Variants in TRPM3 observed in about 807,000 individuals in gnomAD.
TRPM3 encodes the protein long transient receptor potential channel 3.
A neutral mutation model predicts 181.2 loss-of-function variants in TRPM3; 77 were observed. The ratio of observed to expected loss-of-function variants is 0.42; its 90% CI spans 0.35 to 0.51. The LOEUF (loss-of-function observed/expected upper bound fraction) is 0.51. TRPM3 is among the 20% of genes least tolerant of loss of function. The pLI is 0.01. For missense variants in TRPM3, 1,759 were observed against 2,196.7 expected, an observed-to-expected ratio of 0.80 and a Z score of 3.98; for synonymous variants, 745 against 796.4, an observed-to-expected ratio of 0.94 and a Z score of 1.09.
intron 1 of TRPM3, among the ~76,000 whole-genome samples, chr9:71,048,467 A>T (rs1369310250): frequency 6.6e-6 from 1 of 152,192 alleles, no homozygotes; most frequent in Non-Finnish European, 1.5e-5. Flanking sequence ...GACATGCATG[A>T]ATAGTCCAAT....
Position 71,148,630 on chromosome 9 carries a change from T to C in TRPM3, c.184-284119A>G, listed in dbSNP as rs187361379. On this transcript the variant is annotated intron_variant, in intron 1 of 24. Transcript: ENST00000357533. Reference sequence around the variant, plus strand: ...AAGAAAACATGAACCAAGAATTTTATACCCAGCCAAGTGATCACTAAAGTA... The same window carrying C: ...AAGAAAACATGAACCAAGAATTTTACACCCAGCCAAGTGATCACTAAAGTA... Among the ~76,000 whole-genome samples the C allele has an allele frequency of 2.0e-3, 301 of 152,256 alleles. 1 individual carries two copies. The highest frequency in any genetic ancestry group is 3.1e-3 in the Non-Finnish European group (212 of 68,008).
intron 1 of TRPM3, among the ~76,000 whole-genome samples, chr9:71,270,463 T>G (rs1250112272): frequency 6.6e-6 from 1 of 152,236 alleles, no homozygotes; most frequent in Non-Finnish European, 1.5e-5. Context: ...GGACTCATCC[T>G]ATATAACCCT....
intron 22 of TRPM3, among the ~76,000 whole-genome samples, chr9:70,566,598 C>T (rs2050655822): frequency 2.6e-5 from 4 of 152,220 alleles, no homozygotes; most frequent in Admixed American, 6.5e-5. Flanking sequence ...TCATCCATTC[C>T]ACCTCTGGCC....
At chr9:71,236,491 T>C (rs1211594776) in intron 1 of TRPM3, among the ~76,000 whole-genome samples, 2 of 152,066 alleles carry the variant, frequency 1.3e-5, no homozygotes, top group East Asian at 1.9e-4. Context: ...GGTAAGTATA[T>C]AGTCTTATTT....
intron 1 of TRPM3, among the ~76,000 whole-genome samples, chr9:71,434,361 G>A (rs746563622): frequency 2.6e-5 from 4 of 152,118 alleles, no homozygotes; most frequent in Admixed American, 6.5e-5. Flanking sequence ...TAAGAACACA[G>A]CAAAAGACAG....
At chr9:71,254,895 C>T (rs2132039135) in intron 1 of TRPM3, among the ~76,000 whole-genome samples, 1 of 152,264 alleles carries the variant, frequency 6.6e-6, no homozygotes, top group Admixed American at 6.5e-5. Flanking sequence ...TCCCTTCTTA[C>T]CTTTCATCCA....
At chr9:70,799,609 T>C (rs1295819408) in intron 6 of TRPM3, among the ~76,000 whole-genome samples, 1 of 152,176 alleles carries the variant, frequency 6.6e-6, no homozygotes, top group Admixed American at 6.5e-5. Context: ...CCTTTACTTC[T>C]CTCCACATAT....
intron 1 of TRPM3, among the ~76,000 whole-genome samples, chr9:71,442,558 A>C: frequency 6.6e-6 from 1 of 152,240 alleles, no homozygotes; most frequent in Admixed American, 6.5e-5. Context: ...GGTAAATTGT[A>C]CATGTATATT....
At chr9:70,915,622 T>C (rs1422997780) in intron 1 of TRPM3, among the ~76,000 whole-genome samples, 2 of 151,572 alleles carry the variant, frequency 1.3e-5, no homozygotes, top group East Asian at 1.9e-4. Context: ...AGTCTTTTAA[T>C]AGCAGACTTG....
chr9:71,212,600 T>A (rs2079575051), intron 1 of TRPM3, among the ~76,000 whole-genome samples: 1 of 152,138 alleles, frequency 6.6e-6, no homozygotes, highest in Non-Finnish European at 1.5e-5. Flanking sequence ...GCTGAACCCA[T>A]CAAGAAGGTG....
chr9:70,855,742 T>C (rs2095368915), intron 3 of TRPM3, among the ~76,000 whole-genome samples: 1 of 152,212 alleles, frequency 6.6e-6, no homozygotes, highest in Non-Finnish European at 1.5e-5. Context: ...TGGGCACTTG[T>C]AATTAAAGCT....
chr9:70,574,084 A>G (rs988337754), intron 22 of TRPM3, among the ~76,000 whole-genome samples: 3 of 145,448 alleles, frequency 2.1e-5, no homozygotes, highest in Non-Finnish European at 4.5e-5. Context: ...AGACACACAC[A>G]CGCGCGCGCA....
At chr9:70,868,970 G>A in intron 1 of TRPM3, 1 of 984,282 alleles carries the variant, frequency 1.0e-6, no homozygotes, top group Non-Finnish European at 1.2e-6. Context: ...AGAAAAGTTA[G>A]CTGAAATCAT....
intron 1 of TRPM3, among the ~76,000 whole-genome samples, chr9:70,898,477 C>T (rs1308249565): frequency 3.3e-5 from 5 of 149,442 alleles, no homozygotes; most frequent in Admixed American, 6.6e-5. Flanking sequence ...CGGCCGGGCA[C>T]GGTGGCTCAT....
chr9:71,101,028 A>G (rs966822496), intron 1 of TRPM3, among the ~76,000 whole-genome samples: 1 of 151,896 alleles, frequency 6.6e-6, no homozygotes, highest in African/African-American at 2.4e-5. Context: ...TGTATCTAAA[A>G]CCTAAATAAA....
intron 1 of TRPM3, among the ~76,000 whole-genome samples, chr9:70,927,648 T>C (rs1045053901): frequency 4.2e-4 from 64 of 152,324 alleles, no homozygotes; most frequent in African/African-American, 1.4e-3. Context: ...TTTTCTCTTC[T>C]AGCATTTCTC....
At chr9:70,552,696 A>G in intron 24 of TRPM3, 148 bp downstream of exon 24, 1 of 791,652 alleles carries the variant, frequency 1.3e-6, no homozygotes. Flanking sequence ...CAACTCCCTC[A>G]TCCCCCAATG....
chr9:70,674,413 T>A (rs921315842), intron 9 of TRPM3, among the ~76,000 whole-genome samples: 1 of 152,202 alleles, frequency 6.6e-6, no homozygotes, highest in Non-Finnish European at 1.5e-5. Flanking sequence ...TAACTAGGAT[T>A]TAAGTTATTT....
chr9:71,399,551 A>C (rs1483552134), intron 1 of TRPM3, among the ~76,000 whole-genome samples: 2 of 120,428 alleles, frequency 1.7e-5, no homozygotes, highest in East Asian at 4.9e-4. Flanking sequence ...TTTTTTGAGA[A>C]GGAGTCTCAC....
Sources: allele counts gnomAD v4.1 joint callset (sites outside exome capture counted in the v4.1 genomes callset), GRCh38; gene constraint gnomAD v4.1.1; transcripts MANE v1.5; gene names NCBI Gene and HGNC (gene_info 2026-07-23, HGNC 2026-07-21).